The following SLC25A48 variants were observed in gnomAD, a reference collection of about 807,000 sequenced individuals.
The protein encoded by SLC25A48 is solute carrier family 25 member 48.
SLC25A48 carries 29 observed loss-of-function variants against 32.2 expected under a neutral mutation model. The observed-to-expected ratio is 0.90, with a 90% CI of 0.67 to 1.23. SLC25A48 has a LOEUF of 1.23. Among genes scored for constraint, SLC25A48 ranks in the 50% most tolerant of loss-of-function variants. The pLI is 0.00. For synonymous variants in SLC25A48, 164 were observed against 172.3 expected, an observed-to-expected ratio of 0.95 and a Z score of 0.38; for missense variants, 399 against 422.7, an observed-to-expected ratio of 0.94 and a Z score of 0.49.
At chr5:135,582,893 C>T (rs994592062) in intron 1 of SLC25A48, among the ~76,000 whole-genome samples, 8 of 152,192 alleles carry the variant, frequency 5.3e-5, no homozygotes, top group Non-Finnish European at 8.8e-5. Flanking sequence ...CAACAACAGT[C>T]CCTCTCTGTG....
intron 3 of SLC25A48, among the ~76,000 whole-genome samples, chr5:135,692,275 C>T (rs111961656): frequency 6.8e-6 from 1 of 146,816 alleles, no homozygotes; most frequent in Middle Eastern, 3.2e-3. Context: ...GCCGAGATCA[C>T]ACCACTGCAC....
At chr5:135,696,924 T>G (rs1201832557) in intron 3 of SLC25A48, among the ~76,000 whole-genome samples, 4 of 152,202 alleles carry the variant, frequency 2.6e-5, no homozygotes, top group Admixed American at 1.3e-4. Context: ...ATTGGACAAT[T>G]AAAATTTCAT....
intron 3 of SLC25A48, among the ~76,000 whole-genome samples, chr5:135,787,260 C>T (rs1014422621): frequency 2.6e-5 from 4 of 152,066 alleles, no homozygotes; most frequent in African/African-American, 4.8e-5. Flanking sequence ...GGATTTTACT[C>T]CTAATATCAC....
intron 4 of SLC25A48, among the ~76,000 whole-genome samples, chr5:135,857,156 A>G (rs1760398399): frequency 6.6e-6 from 1 of 152,202 alleles, no homozygotes; most frequent in South Asian, 2.1e-4. Context: ...GGGACATTTG[A>G]AGGTTTCTTG....
At chr5:135,640,224 A>G (rs184322742) in intron 3 of SLC25A48, among the ~76,000 whole-genome samples, 1 of 152,342 alleles carries the variant, frequency 6.6e-6, no homozygotes, top group East Asian at 1.9e-4. Flanking sequence ...CAATCTGAAG[A>G]ATTGAGAAAA....
At chr5:135,686,121 A>T (rs1051459726) in intron 3 of SLC25A48, among the ~76,000 whole-genome samples, 1 of 152,166 alleles carries the variant, frequency 6.6e-6, no homozygotes, top group African/African-American at 2.4e-5. Flanking sequence ...CCTGGGTTCA[A>T]ATCTTCTCAT....
chr5:135,596,060 A>G (rs968964329), intron 1 of SLC25A48, among the ~76,000 whole-genome samples: 3 of 152,110 alleles, frequency 2.0e-5, no homozygotes. Flanking sequence ...CACTTAGGAG[A>G]TCTGAGGCTA....
chr5:135,842,352 AGCTG>A lies in SLC25A48; in HGVS notation c.47-58_47-55del, dbSNP rs1220567765. 3 of 1,555,472 alleles carry A rather than the reference AGCTG, an allele frequency of 1.9e-6. No individual in the cohort carries two copies. In the African/African-American group the frequency reaches 4.1e-5, roughly 21 times the overall value. ...AAACAAGTGCCTGTTTTGTCCCAAG[AGCTG>A]GCTGGTGTAAGCCAGGAGTCCAAGG... On this transcript the variant is annotated intron_variant, in intron 1 of 7. Coordinates refer to ENST00000681962, the MANE Select transcript of SLC25A48 (RefSeq NM_001349336.2).
chr5:135,829,125 C>T (rs1240085685), intron 4 of SLC25A48, among the ~76,000 whole-genome samples: 1 of 152,190 alleles, frequency 6.6e-6, no homozygotes, highest in Non-Finnish European at 1.5e-5. Context: ...AGGAGAATGC[C>T]ACATGGCAGA....
chr5:135,683,299 G>A (rs913756292), intron 3 of SLC25A48, among the ~76,000 whole-genome samples: 1 of 152,202 alleles, frequency 6.6e-6, no homozygotes, highest in Non-Finnish European at 1.5e-5. Context: ...ACCTTATAAA[G>A]GCATTTTACA....
chr5:135,607,494 G>A (rs538969167), intron 1 of SLC25A48, among the ~76,000 whole-genome samples: 15 of 152,280 alleles, frequency 9.9e-5, no homozygotes, highest in South Asian at 8.3e-4. Context: ...GAGGAAGACC[G>A]TCCTGATTCT....
intron 3 of SLC25A48, among the ~76,000 whole-genome samples, chr5:135,789,903 G>A (rs1159498816): frequency 6.6e-6 from 1 of 151,920 alleles, no homozygotes; most frequent in South Asian, 2.1e-4. Context: ...TTAGGAGTAA[G>A]ATCTCCCTAC....
At chr5:135,584,542 C>T (rs1751318046) in intron 1 of SLC25A48, among the ~76,000 whole-genome samples, 1 of 152,200 alleles carries the variant, frequency 6.6e-6, no homozygotes. Flanking sequence ...AAGCATCACT[C>T]ATGGGACTAT....
intron 4 of SLC25A48, among the ~76,000 whole-genome samples, chr5:135,856,909 A>G (rs1760369379): frequency 6.6e-6 from 1 of 152,208 alleles, no homozygotes; most frequent in African/African-American, 2.4e-5. Context: ...GGGAAAGGAA[A>G]TCTCCATACG....
intron 3 of SLC25A48, among the ~76,000 whole-genome samples, chr5:135,715,488 T>C (rs1046548108): frequency 6.6e-6 from 1 of 152,144 alleles, no homozygotes; most frequent in Non-Finnish European, 1.5e-5. Flanking sequence ...CCCACCCCTT[T>C]CCCAGCATTG....
intron 3 of SLC25A48, 83 bp from the exon 4 acceptor site, chr5:135,852,480 C>T (rs780238015): frequency 2.7e-6 from 4 of 1,494,384 alleles, no homozygotes; most frequent in Non-Finnish European, 3.6e-6. Flanking sequence ...GCAGATGTGT[C>T]CGGTGGTGTA....
chr5:135,842,310 G>C, intron 1 of SLC25A48, 106 bp from the exon 2 acceptor site: 1 of 1,178,310 alleles, frequency 8.5e-7, no homozygotes, highest in South Asian at 1.3e-5. Flanking sequence ...CCCTACCCCA[G>C]CAATTGACCG....
intron 7 of SLC25A48, among the ~76,000 whole-genome samples, chr5:135,887,683 T>G (rs1434798748): frequency 1.3e-5 from 2 of 152,006 alleles, no homozygotes; most frequent in African/African-American, 4.8e-5. Context: ...ACCATCTCCC[T>G]TGGCGTTGCC....
At chr5:135,805,443 T>C (rs1561501997) in intron 3 of SLC25A48, among the ~76,000 whole-genome samples, 2 of 151,436 alleles carry the variant, frequency 1.3e-5, no homozygotes, top group Non-Finnish European at 3.0e-5. Flanking sequence ...TCACAGTGGG[T>C]ATACACGCTG....
Sources: allele counts gnomAD v4.1 joint callset (sites outside exome capture counted in the v4.1 genomes callset), GRCh38; gene constraint gnomAD v4.1.1; transcripts MANE v1.5; gene names NCBI Gene and HGNC (gene_info 2026-07-23, HGNC 2026-07-21).